The following BRIP1 variants were observed in gnomAD, a reference collection of about 807,000 sequenced individuals.
BRIP1 encodes BRCA1 interacting DNA helicase 1, also known as Fanconi anemia group J protein.
A neutral mutation model predicts 119.7 loss-of-function variants in BRIP1; 88 were observed. The ratio of observed to expected loss-of-function variants is 0.74; its 90% CI spans 0.62 to 0.88. The LOEUF is 0.88. BRIP1 is among the 40% of genes least tolerant of loss of function. BRIP1 has a pLI of 0.00. For missense variants in BRIP1, 1,259 were observed against 1,455.4 expected (o/e 0.87, Z 2.20); for synonymous variants, 443 against 496.5 (o/e 0.89, Z 1.43).
chr17:61,774,352 G>C lies in BRIP1; in HGVS notation c.2097+2049C>G, dbSNP rs555716988. On this transcript the variant is annotated intron_variant, in intron 14 of 19. Transcript: ENST00000259008. The surrounding 1 kb of genome is among the most constrained non-coding windows in gnomAD (Gnocchi z 5.8). ...TCACAAAGACAGAAAACCAAACACC[G>C]CATGTTCTCACTCATAGGTGGGAAT... Among the ~76,000 whole-genome samples, 1 of 152,098 alleles carries C rather than the reference G, an allele frequency of 6.6e-6. No individual in the cohort carries two copies. Among genetic ancestry groups the C allele is most frequent in the African/African-American group, 2.4e-5 (1 of 41,410 alleles).
In BRIP1 at chr17:61,816,218, A is replaced by AG. The variant is rs948725940; in HGVS notation, c.628-7462dup. On this transcript the variant is annotated intron_variant, in intron 6 of 19. Coordinates refer to ENST00000259008, the MANE Select transcript of BRIP1 (RefSeq NM_032043.3). This position sits in a 1 kb window ranked among gnomAD's most constrained non-coding sequence, Gnocchi z 5.0. ...TCATTCAAGATGTCAATCAGCAGGTAGGGGATCAGATACAGTGTCAGGTGA... is the reference window on the plus strand; with the variant it reads ...TCATTCAAGATGTCAATCAGCAGGTAGGGGGATCAGATACAGTGTCAGGTGA... Among the ~76,000 whole-genome samples, 4 of 152,330 alleles carry AG rather than the reference A, an allele frequency of 2.6e-5. No individual in the cohort carries two copies. Among genetic ancestry groups the AG allele is most frequent in the South Asian group, 4.1e-4 (2 of 4,830 alleles).
rs1246112721 is a variant in BRIP1, at chr17:61,708,162, TACACAATAGTCCCCCAC to T, written c.2492+7772_2492+7788del. On this transcript the variant is annotated intron_variant, in intron 17 of 19. Coordinates refer to ENST00000259008, the MANE Select transcript of BRIP1 (RefSeq NM_032043.3). The surrounding 1 kb of genome is among the most constrained non-coding windows in gnomAD (Gnocchi z 4.4). ...TATGTAGCCTGCAAAGCCTAAAATA[TACACAATAGTCCCCCAC>T]AGCCACAATCTTGCCTATGGTCAAA... 2.0e-5 allele frequency among the ~76,000 whole-genome samples: 3 copies of T among 152,172 alleles called. No individual in the cohort carries two copies. Among genetic ancestry groups the T allele is most frequent in the Non-Finnish European group, 1.5e-5 (1 of 68,030 alleles).
At chr17:61,830,199 G>A (rs1278929626) in intron 6 of BRIP1, among the ~76,000 whole-genome samples, 1 of 151,638 alleles carries the variant, frequency 6.6e-6, no homozygotes, top group Admixed American at 6.6e-5. Context: ...CTCCCAAAGT[G>A]CTGGGATTAC....
At chr17:61,763,850 AG>A (rs1361167118) in intron 14 of BRIP1, among the ~76,000 whole-genome samples, 1 of 152,202 alleles carries the variant, frequency 6.6e-6, no homozygotes, top group Non-Finnish European at 1.5e-5. Flanking sequence ...AACCTGTGTA[AG>A]CCATATTAAA....
At position 61,693,583 on chromosome 17, in the gene BRIP1, C is replaced by G; in HGVS notation, c.2493-71G>C. 2 of 1,318,622 alleles carry G rather than the reference C, an allele frequency of 1.5e-6. No individual in the cohort carries two copies. The highest frequency in any genetic ancestry group is 2.2e-6 in the Non-Finnish European group (2 of 918,718). The allele number at this position is 1,318,622 out of a possible 1,614,324, so 81.7% of individuals were successfully genotyped here. ...AAATCCAGTTTTCCAGTGGGACAGA[C>G]AGAAAATTGGAAAAAAATCAATTTT... On this transcript the variant is annotated intron_variant, in intron 17 of 19. Coordinates refer to ENST00000259008, the MANE Select transcript of BRIP1 (RefSeq NM_032043.3). This position sits in a 1 kb window ranked among gnomAD's most constrained non-coding sequence, Gnocchi z 4.2.
rs964839603 is a variant in BRIP1 at position 61,831,222 on chromosome 17, G to T, written c.627+15879C>A. 1.3e-5 allele frequency among the ~76,000 whole-genome samples: 2 copies of T among 152,186 alleles called. No individual in the cohort carries two copies. Among genetic ancestry groups the T allele is most frequent in the African/African-American group, 2.4e-5 (1 of 41,446 alleles). On this transcript the variant is annotated intron_variant, in intron 6 of 19. Transcript: ENST00000259008. The surrounding 1 kb of genome is among the most constrained non-coding windows in gnomAD (Gnocchi z 4.1). ...CACCACAAGGTTGTGAACAAGGCAA[G>T]GGTATCCACTCTCATCACTCTAATT... is the stretch of plus-strand genomic sequence containing the variant.
rs1386234504 is a variant in BRIP1, at chr17:61,716,035, T to A, written c.2408A>T (p.His803Leu). ...TAGAAGACCTCTCAATTTTGAATGGTGGTCATTGTATTGTCGTTTTAGTTC... is the reference window on the plus strand; with the variant it reads ...TAGAAGACCTCTCAATTTTGAATGGAGGTCATTGTATTGTCGTTTTAGTTC... ...QVELKRQYND[H>L]HSKLRGLLPG... is the part of the protein sequence containing the mutation. Residue 803 changes from histidine (H) to leucine (L), a missense_variant, in exon 17 of 20, where the codon CAC (histidine) becomes CTC (leucine). His to Leu is a moderately conservative substitution (Grantham distance 99, BLOSUM62 -3). Transcript: ENST00000259008. 6.2e-7 allele frequency: 1 copy of A among 1,606,392 alleles called. No homozygotes were observed. Among genetic ancestry groups the A allele is most frequent in the Non-Finnish European group, 8.5e-7 (1 of 1,175,630 alleles).
rs563401493 is a variant in BRIP1, at chr17:61,774,864, A to T, written c.2097+1537T>A. The stretch of plus-strand genomic sequence containing the variant: ...ATAAATGTCTGTAACTAAAATTCAT[A>T]CTGTCTGCTATATGCATTCCAAGCC... On this transcript the variant is annotated intron_variant, in intron 14 of 19. Transcript: ENST00000259008. The surrounding 1 kb of genome is among the most constrained non-coding windows in gnomAD (Gnocchi z 5.8). Among the ~76,000 whole-genome samples the T allele has an allele frequency of 3.9e-5, 6 of 152,332 alleles. No individual in the cohort carries two copies. In the East Asian group the frequency reaches 1.2e-3, roughly 29 times the overall value.
rs1160301068 is a variant in BRIP1, at chr17:61,699,647, G to A, written c.2493-6135C>T. 1.3e-5 allele frequency among the ~76,000 whole-genome samples: 2 copies of A among 152,164 alleles called. No individual in the cohort carries two copies. The highest frequency in any genetic ancestry group is 4.8e-5 in the African/African-American group (2 of 41,448). The stretch of plus-strand genomic sequence containing the variant: ...GCAGAAGAATTAACATTGTAGGTTG[G>A]ATTGTTTACCCCTAGAAAGGTCTGT... On this transcript the variant is annotated intron_variant, in intron 17 of 19. Transcript: ENST00000259008. This position sits in a 1 kb window ranked among gnomAD's most constrained non-coding sequence, Gnocchi z 4.8.
rs1007550105 is a variant in BRIP1 at position 61,730,814 on chromosome 17, G to C, written c.2379+12199C>G. Among the ~76,000 whole-genome samples the C allele has an allele frequency of 9.2e-5, 14 of 151,970 alleles. No homozygotes were observed. Among genetic ancestry groups the C allele is most frequent in the African/African-American group, 2.9e-4 (12 of 41,412 alleles). On this transcript the variant is annotated intron_variant, in intron 16 of 19. Coordinates refer to ENST00000259008, the MANE Select transcript of BRIP1 (RefSeq NM_032043.3). The surrounding 1 kb of genome is among the most constrained non-coding windows in gnomAD (Gnocchi z 4.3). ...TGGGATTTTAAATATTTCCATCCTT[G>C]ATCCCAAAATATCTTTTAAAAATAT...
rs1360550661 is a variant in BRIP1, at chr17:61,748,006, G to A, written c.2098-3415C>T. 1.3e-5 allele frequency among the ~76,000 whole-genome samples: 2 copies of A among 151,622 alleles called. No homozygotes were observed. The highest frequency in any genetic ancestry group is 1.9e-4 in the East Asian group (1 of 5,150). On this transcript the variant is annotated intron_variant, in intron 14 of 19. Coordinates refer to ENST00000259008, the MANE Select transcript of BRIP1 (RefSeq NM_032043.3). The surrounding 1 kb of genome is among the most constrained non-coding windows in gnomAD (Gnocchi z 4.7). ...TCCTGCCTTGGCCTCCCAAAGTGCT[G>A]GGATTACAGGTGTGAGCCACTATGC...
intron 10 of BRIP1, among the ~76,000 whole-genome samples, chr17:61,790,728 C>T (rs1278609077): frequency 1.3e-5 from 2 of 151,886 alleles, no homozygotes; most frequent in African/African-American, 2.4e-5. Flanking sequence ...TAGCCTCAAC[C>T]TCCTGGGTTC....
intron 5 of BRIP1, among the ~76,000 whole-genome samples, chr17:61,847,496 TA>T (rs2078753189): frequency 6.6e-6 from 1 of 152,216 alleles, no homozygotes; most frequent in Non-Finnish European, 1.5e-5. Context: ...GAACTTCTCA[TA>T]AAATAGTCCC....
Position 61,689,432 on chromosome 17 carries a change from G to C in BRIP1, c.2576-3267C>G, listed in dbSNP as rs1395456420. On this transcript the variant is annotated intron_variant, in intron 18 of 19. Transcript: ENST00000259008. This position sits in a 1 kb window ranked among gnomAD's most constrained non-coding sequence, Gnocchi z 4.5. Reference sequence around the variant, plus strand: ...TGGCTTCATTTATGACTTGACTTATGGGGCACCGTCAAGCTGACCAATATA... The same window carrying C: ...TGGCTTCATTTATGACTTGACTTATCGGGCACCGTCAAGCTGACCAATATA... Among the ~76,000 whole-genome samples the C allele has an allele frequency of 6.6e-6, 1 of 152,044 alleles. No homozygotes were observed. The highest frequency in any genetic ancestry group is 1.5e-5 in the Non-Finnish European group (1 of 68,004).
In BRIP1 at chr17:61,739,868, A is replaced by G. The variant is rs1380825793; in HGVS notation, c.2379+3145T>C. ...AACAATAAGTTCAACTTAGGCTCAA[A>G]TTATTACTATAGTTTTTCAAATATA... On this transcript the variant is annotated intron_variant, in intron 16 of 19. Transcript: ENST00000259008. This position sits in a 1 kb window ranked among gnomAD's most constrained non-coding sequence, Gnocchi z 6.0. 6.6e-6 allele frequency among the ~76,000 whole-genome samples: 1 copy of G among 152,160 alleles called. No homozygotes were observed. Among genetic ancestry groups the G allele is most frequent in the African/African-American group, 2.4e-5 (1 of 41,440 alleles).
chr17:61,801,188 T>C (rs770878014), intron 8 of BRIP1, 65 bp downstream of exon 8: 2 of 1,467,346 alleles, frequency 1.4e-6, no homozygotes, highest in South Asian at 2.3e-5. Context: ...TCTAAAAGCT[T>C]TTACATTCAA....
Position 61,685,821 on chromosome 17 carries a change from A to C in BRIP1, c.2905+15T>G, listed in dbSNP as rs749855085. ...GACTTCTCTATCAAAGGTAAATGGG[A>C]AGAACTTTTCATACTTTTCTCCTTT... is the stretch of plus-strand genomic sequence containing the variant. On this transcript the variant is annotated intron_variant, in intron 19 of 19. Coordinates refer to ENST00000259008, the MANE Select transcript of BRIP1 (RefSeq NM_032043.3). 3.8e-6 allele frequency: 6 copies of C among 1,587,476 alleles called. No homozygotes were observed. In the South Asian group the frequency reaches 6.7e-5, roughly 18 times the overall value.
Position 61,751,197 on chromosome 17 carries a change from A to G in BRIP1, c.2098-6606T>C, listed in dbSNP as rs2144758432. 6.6e-6 allele frequency among the ~76,000 whole-genome samples: 1 copy of G among 152,326 alleles called. No individual in the cohort carries two copies. Among genetic ancestry groups the G allele is most frequent in the East Asian group, 1.9e-4 (1 of 5,186 alleles). On this transcript the variant is annotated intron_variant, in intron 14 of 19. Transcript: ENST00000259008. This position sits in a 1 kb window ranked among gnomAD's most constrained non-coding sequence, Gnocchi z 6.7. ...AATGCTTGAATATGGATAAACCCAT[A>G]GTAAGTGAAAAAAGCCACTGTATTT...
rs192097867 is a variant in BRIP1, at chr17:61,793,540, C to G, written c.1473+57G>C. ...ACTAGATTTAATCTGGATTTAGTCA[C>G]GACTAAATCACTTCTAATTCACTAA... On this transcript the variant is annotated intron_variant, in intron 10 of 19. Coordinates refer to ENST00000259008, the MANE Select transcript of BRIP1 (RefSeq NM_032043.3). The surrounding 1 kb of genome is among the most constrained non-coding windows in gnomAD (Gnocchi z 5.2). 1.3e-6 allele frequency: 2 copies of G among 1,497,134 alleles called. No homozygotes were observed. The highest frequency in any genetic ancestry group is 1.2e-5 in the South Asian group (1 of 84,876). 92.7% of individuals were successfully genotyped at this position (1,497,134 alleles called of 1,614,324 possible).
Sources: allele counts gnomAD v4.1 joint callset (sites outside exome capture counted in the v4.1 genomes callset), GRCh38; gene constraint gnomAD v4.1.1; non-coding constraint Gnocchi (gnomAD v3.1); transcripts MANE v1.5; gene names NCBI Gene and HGNC (gene_info 2026-07-23, HGNC 2026-07-21).